Variants in ISOC2 observed in about 807,000 individuals in gnomAD.
The protein encoded by ISOC2 is isochorismatase domain-containing protein 2.
Under a neutral mutation model 19.3 loss-of-function variants are expected in ISOC2, and 15 were observed. The observed-to-expected ratio is 0.78, with a 90% CI of 0.52 to 1.20. The LOEUF (loss-of-function observed/expected upper bound fraction) is 1.20. Among genes scored for constraint, ISOC2 ranks in the 50% most tolerant of loss-of-function variants. ISOC2 has a pLI of 0.00. For missense variants in ISOC2, 285 were observed against 272.4 expected, an observed-to-expected ratio of 1.05 and a Z score of -0.33; for synonymous variants, 106 against 115.8, an observed-to-expected ratio of 0.92 and a Z score of 0.54.
chr19:55,453,048 C>A lies in ISOC2; in HGVS notation c.*260G>T. On this transcript the variant is annotated 3_prime_UTR_variant, in exon 6 of 6. Transcript: ENST00000425675. ...CACAGTCTGAGACTCTTCTTCCCCT[C>A]CCCTTCCCGCCCCGTGAAGTGGCCC... 2.3e-6 allele frequency: 1 copy of A among 437,810 alleles called. No homozygotes were observed. The highest frequency in any genetic ancestry group is 4.1e-6 in the Non-Finnish European group (1 of 246,888). The allele number at this position is 437,810 out of a possible 1,614,324, so 27.1% of individuals were successfully genotyped here.
chr19:55,461,587 G>A lies in ISOC2; in HGVS notation c.-79C>T. 1 of 152,442 alleles carries A rather than the reference G, an allele frequency of 6.6e-6. No individual in the cohort carries two copies. Among genetic ancestry groups the A allele is most frequent in the Non-Finnish European group, 1.5e-5 (1 of 68,112 alleles). The allele number at this position is 152,442 out of a possible 1,614,324, so 9.4% of individuals were successfully genotyped here. A position where few individuals can be genotyped will look rare whatever the true frequency, so the allele number is the denominator to read the frequency against. ...GGGGCACCCTCACCTCTCGGCTCTC[G>A]GACGGCCACCGCTGAGGCCTCTTGC... On this transcript the variant is annotated 5_prime_UTR_variant, in exon 1 of 6. Coordinates refer to ENST00000425675, the MANE Select transcript of ISOC2 (RefSeq NM_001136201.2).
intron 2 of ISOC2, 46 bp from the exon 3 acceptor site, chr19:55,455,891 GGC>G (rs1986040354): frequency 1.4e-6 from 2 of 1,437,404 alleles, no homozygotes; most frequent in Admixed American, 2.1e-5. Context: ...AGGGAGGAGG[GGC>G]TGGGCCTGGA....
rs773183854 is a variant in ISOC2 at position 55,453,407 on chromosome 19, A to C, written c.538-19T>G. The C allele has an allele frequency of 1.3e-6, 2 of 1,577,384 alleles. No homozygotes were observed. On this transcript the variant is annotated intron_variant, in intron 5 of 5. Coordinates refer to ENST00000425675, the MANE Select transcript of ISOC2 (RefSeq NM_001136201.2). ...TCTGGATCTGTAAGGGCAGGGGGCG[A>C]TGGGTCAGGAAGCGTCTAGGGTCCC...
intron 2 of ISOC2, chr19:55,456,142 A>C (rs1482617038): frequency 1.7e-6 from 1 of 578,030 alleles, no homozygotes; most frequent in African/African-American, 2.0e-5. Flanking sequence ...TGGAGGGCTG[A>C]GCCTGGATCC....
chr19:55,454,890 G>A, intron 5 of ISOC2, 99 bp downstream of exon 5: 3 of 886,490 alleles, frequency 3.4e-6, no homozygotes, highest in Non-Finnish European at 5.6e-6. Flanking sequence ...GGCTCCCCCT[G>A]GAGGCGGCAG....
chr19:55,455,166 C>T, intron 4 of ISOC2, 60 bp from the exon 5 acceptor site: 1 of 1,576,416 alleles, frequency 6.3e-7, no homozygotes, highest in South Asian at 1.1e-5. Context: ...GACACCCAGA[C>T]ACGCAGGCAC....
At chr19:55,455,594 C>T (rs529742279) in intron 3 of ISOC2, 42 bp downstream of exon 3, 2 of 1,486,580 alleles carry the variant, frequency 1.3e-6, no homozygotes, top group African/African-American at 1.4e-5. Context: ...ATGGGGGTCC[C>T]AGGTTAGAAC....
At chr19:55,460,808 C>G (rs929340819) in intron 1 of ISOC2, among the ~76,000 whole-genome samples, 6 of 152,158 alleles carry the variant, frequency 3.9e-5, no homozygotes, top group Non-Finnish European at 8.8e-5. Context: ...CCCCGCCGTG[C>G]GGTTGAACTG....
At chr19:55,461,236 G>A (rs1439918943) in intron 1 of ISOC2, among the ~76,000 whole-genome samples, 1 of 152,192 alleles carries the variant, frequency 6.6e-6, no homozygotes, top group Non-Finnish European at 1.5e-5. Flanking sequence ...TCCTGGCTGT[G>A]TGACCTTGGG....
Position 55,455,622 on chromosome 19 carries a change from A to G in ISOC2, c.348+14T>C. 1.3e-6 allele frequency: 2 copies of G among 1,568,062 alleles called. No homozygotes were observed. Among genetic ancestry groups the G allele is most frequent in the South Asian group, 1.2e-5 (1 of 86,186 alleles). On this transcript the variant is annotated intron_variant, in intron 3 of 5. Coordinates refer to ENST00000425675, the MANE Select transcript of ISOC2 (RefSeq NM_001136201.2). ...GTTAGAACGAGGGACCCCTGGGGTC[A>G]GTCAGCATCTCACCAAGATGCAGGC... is the stretch of plus-strand genomic sequence containing the variant.
chr19:55,461,051 G>A (rs1449376888), intron 1 of ISOC2, among the ~76,000 whole-genome samples: 1 of 152,104 alleles, frequency 6.6e-6, no homozygotes, highest in East Asian at 1.9e-4. Flanking sequence ...ATGTGAAGGG[G>A]AGGTCTGGGC....
chr19:55,460,637 C>A (rs528403400), intron 1 of ISOC2, among the ~76,000 whole-genome samples: 40 of 152,324 alleles, frequency 2.6e-4, no homozygotes, highest in Middle Eastern at 3.4e-3. Flanking sequence ...TGGGATGTGG[C>A]GCATGTTTGA....
In ISOC2 at chr19:55,455,621, C is replaced by T. The variant is rs1343936216; in HGVS notation, c.348+15G>A. The T allele has an allele frequency of 1.3e-6, 2 of 1,565,644 alleles. No homozygotes were observed. The highest frequency in any genetic ancestry group is 2.3e-5 in the East Asian group (1 of 44,056). On this transcript the variant is annotated intron_variant, in intron 3 of 5. Coordinates refer to ENST00000425675, the MANE Select transcript of ISOC2 (RefSeq NM_001136201.2). ...GGTTAGAACGAGGGACCCCTGGGGTCAGTCAGCATCTCACCAAGATGCAGG... is the reference window on the plus strand; with the variant it reads ...GGTTAGAACGAGGGACCCCTGGGGTTAGTCAGCATCTCACCAAGATGCAGG...
chr19:55,453,195 G>T lies in ISOC2; in HGVS notation c.*113C>A. 1 of 665,670 alleles carries T rather than the reference G, an allele frequency of 1.5e-6. No homozygotes were observed. The highest frequency in any genetic ancestry group is 2.4e-6 in the Non-Finnish European group (1 of 409,252). The allele number at this position is 665,670 out of a possible 1,614,324, so 41.2% of individuals were successfully genotyped here. ...CAGCACCCTGCCCCCCCCACAAGGGGGCGGCACTCCTGGTGGATCGCACCA... is the reference window on the plus strand; with the variant it reads ...CAGCACCCTGCCCCCCCCACAAGGGTGCGGCACTCCTGGTGGATCGCACCA... On this transcript the variant is annotated 3_prime_UTR_variant, in exon 6 of 6. Transcript: ENST00000425675.
At chr19:55,455,196 G>T in intron 4 of ISOC2, 64 bp downstream of exon 4, 1 of 1,566,580 alleles carries the variant, frequency 6.4e-7, no homozygotes, top group Non-Finnish European at 8.7e-7. Context: ...AATGCCGCCT[G>T]TGGCCCTTCC....
In ISOC2 at chr19:55,453,317, G is replaced by A. The variant is rs1235330200; in HGVS notation, c.609C>T (p.Leu203=). 6.2e-7 allele frequency: 1 copy of A among 1,606,808 alleles called. No homozygotes were observed. Among genetic ancestry groups the A allele is most frequent in the African/African-American group, 1.3e-5 (1 of 74,792 alleles). Reference sequence around the variant, plus strand: ...AAGGCAGGGTTGGAGTTCAGTGGAGGAGGGAGTTCTGGCCTTGGAAGAGGC... The same window carrying A: ...AAGGCAGGGTTGGAGTTCAGTGGAGAAGGGAGTTCTGGCCTTGGAAGAGGC... ...LLGLFQGQNS[L]LH The change falls in exon 6 of 6, where the codon CTC becomes CTT. Residue 203 remains leucine, a synonymous_variant. Coordinates refer to ENST00000425675, the MANE Select transcript of ISOC2 (RefSeq NM_001136201.2).
rs533553036 is a variant in ISOC2, at chr19:55,453,261, G to C, written c.*47C>G. Reference sequence around the variant, plus strand: ...GATGGGGGGAACGGGCTTCCACTGAGGTCCGGGTGACAGGAGGGTGGTCTT... The same window carrying C: ...GATGGGGGGAACGGGCTTCCACTGACGTCCGGGTGACAGGAGGGTGGTCTT... On this transcript the variant is annotated 3_prime_UTR_variant, in exon 6 of 6. Transcript: ENST00000425675. 1 of 1,425,492 alleles carries C rather than the reference G, an allele frequency of 7.0e-7. No individual in the cohort carries two copies. Among genetic ancestry groups the C allele is most frequent in the African/African-American group, 1.4e-5 (1 of 70,014 alleles). 88.3% of individuals were successfully genotyped at this position (1,425,492 alleles called of 1,614,324 possible).
rs747733446 is a variant in ISOC2 at position 55,455,059 on chromosome 19, G to C, written c.467C>G (p.Ala156Gly). 1 of 1,583,328 alleles carries C rather than the reference G, an allele frequency of 6.3e-7. No individual in the cohort carries two copies. Among genetic ancestry groups the C allele is most frequent in the East Asian group, 2.4e-5 (1 of 42,528 alleles). ...VALARMRQSG[A>G]FLSTSEGLIL... ...GAGCCCTTCGCTGGTGGAGAGGAAG[G>C]CACCACTCTGTCTCATGCGGGCCAG... Residue 156 changes from alanine (A) to glycine (G), a missense_variant, in exon 5 of 6, where the codon GCC becomes GGC. By Grantham distance (60) the Ala-to-Gly change is moderately conservative. Transcript: ENST00000425675.
intron 1 of ISOC2, 145 bp downstream of exon 1, chr19:55,461,367 C>T (rs979683890): frequency 2.0e-5 from 3 of 152,306 alleles, no homozygotes; most frequent in African/African-American, 7.2e-5. Flanking sequence ...CAATCTCTGG[C>T]CAGCCAATTC....
Sources: gnomAD v4.1 joint callset for allele counts (sites outside exome capture counted in the v4.1 genomes callset) on GRCh38, gnomAD v4.1.1 for gene constraint, MANE v1.5 for transcripts, NCBI Gene and HGNC (gene_info 2026-07-23, HGNC 2026-07-21) for gene names.